TENM1: variants seen among roughly 807,000 people sequenced by gnomAD.
TENM1 encodes the protein teneurin transmembrane protein 1.
A neutral mutation model predicts 174.8 loss-of-function variants in TENM1; 35 were observed. That is an observed-to-expected ratio of 0.20 (90% CI 0.15 to 0.27). The LOEUF is 0.27. Among genes scored for constraint, TENM1 ranks in the 10% least tolerant of loss-of-function variants. TENM1 has a pLI of 1.00. For synonymous variants in TENM1, 781 were observed against 798.7 expected (o/e 0.98, Z 0.37); for missense variants, 1,633 against 2,130.1 (o/e 0.77, Z 4.59).
chrX:124,733,036 C>A (rs1218378322), intron 4 of TENM1, among the ~76,000 whole-genome samples: 1 of 111,801 alleles, frequency 8.9e-6, no homozygotes, highest in Non-Finnish European at 1.9e-5. Flanking sequence ...CACCTGCATT[C>A]AGCCTTGAAC....
intron 14 of TENM1, among the ~76,000 whole-genome samples, chrX:124,558,187 C>T (rs1456607762): frequency 2.7e-5 from 3 of 111,754 alleles, no homozygotes; most frequent in Non-Finnish European, 5.6e-5. Flanking sequence ...CGGTGTCACC[C>T]ACATATTCAA....
chrX:124,979,621 G>T, the TENM1 span, among the ~76,000 whole-genome samples: 1 of 111,387 alleles, frequency 9.0e-6, no homozygotes, highest in Non-Finnish European at 1.9e-5. Flanking sequence ...CCATTAGGCA[G>T]CAGTAAACTA....
the TENM1 span, among the ~76,000 whole-genome samples, chrX:125,147,445 T>A: frequency 3.6e-5 from 4 of 111,598 alleles, no homozygotes; most frequent in Non-Finnish European, 7.5e-5. Context: ...ATTCTTTTCA[T>A]GTTTTACTCA....
exon 29 of TENM1, chrX:124,385,889 T>C (rs1169245608): frequency 1.7e-6 from 2 of 1,210,410 alleles, no homozygotes; most frequent in Admixed American, 4.4e-5. Context: ...ACTATAGTCT[T>C]GGATAAAAGA....
the TENM1 span, among the ~76,000 whole-genome samples, chrX:125,161,492 G>C: frequency 9.0e-6 from 1 of 111,720 alleles, no homozygotes; most frequent in South Asian, 3.7e-4. Flanking sequence ...CTACAATGTG[G>C]ATGAACCTTG....
intron 23 of TENM1, among the ~76,000 whole-genome samples, chrX:124,423,183 A>G (rs1255217857): frequency 8.9e-6 from 1 of 112,247 alleles, no homozygotes; most frequent in East Asian, 2.8e-4. Flanking sequence ...CTCAATGAGC[A>G]ACCTTTTGCA....
At chrX:124,533,034 T>C (rs1387437908) in intron 15 of TENM1, among the ~76,000 whole-genome samples, 1 of 112,224 alleles carries the variant, frequency 8.9e-6, no homozygotes, top group Admixed American at 9.5e-5. Context: ...TGCAGAAATT[T>C]AGGAAAAATC....
intron 1 of TENM1, among the ~76,000 whole-genome samples, chrX:124,927,186 G>C (rs1465627009): frequency 8.9e-6 from 1 of 111,750 alleles, no homozygotes; most frequent in Non-Finnish European, 1.9e-5. Context: ...GAGACACCCA[G>C]TGATAAACAC....
the TENM1 span, among the ~76,000 whole-genome samples, chrX:125,065,567 T>G: frequency 8.9e-6 from 1 of 112,467 alleles, no homozygotes; most frequent in African/African-American, 3.2e-5. Context: ...GAACCTTCAG[T>G]TCTTTAGAGA....
At chrX:124,822,625 A>G (rs1265234819) in intron 3 of TENM1, among the ~76,000 whole-genome samples, 1 of 111,792 alleles carries the variant, frequency 8.9e-6, no homozygotes, top group Non-Finnish European at 1.9e-5. Context: ...GTTTTTATAT[A>G]TCTTATTTCT....
At chrX:124,966,530 C>T (rs749590113), upstream of TENM1, among the ~76,000 whole-genome samples, 36 of 108,182 alleles carry the variant, frequency 3.3e-4, 1 homozygote, top group South Asian at 0.011. Context: ...GGCGTGGTAG[C>T]GGGCGCCTGT....
At chrX:124,542,015 G>A (rs1210415041) in intron 15 of TENM1, among the ~76,000 whole-genome samples, 1 of 112,058 alleles carries the variant, frequency 8.9e-6, no homozygotes, top group East Asian at 2.8e-4. Flanking sequence ...ATGCCAGTAG[G>A]AGGCCCAAGT....
the TENM1 span, among the ~76,000 whole-genome samples, chrX:125,149,538 T>C: frequency 2.7e-5 from 3 of 112,199 alleles, no homozygotes; most frequent in African/African-American, 9.7e-5. Flanking sequence ...TTTTAGGTAG[T>C]AAATGAATTA....
At chrX:124,697,460 T>C (rs1433077715) in intron 5 of TENM1, among the ~76,000 whole-genome samples, 1 of 111,104 alleles carries the variant, frequency 9.0e-6, no homozygotes, top group Non-Finnish European at 1.9e-5. Context: ...TACTTTGGTG[T>C]AATTTGTTAA....
intron 3 of TENM1, among the ~76,000 whole-genome samples, chrX:124,890,558 C>T (rs781605702): frequency 1.8e-5 from 2 of 111,666 alleles, no homozygotes; most frequent in Non-Finnish European, 3.8e-5. Flanking sequence ...CATGAATGGC[C>T]AACAGGTATA....
chrX:124,541,416 G>C (rs964209751), intron 15 of TENM1, among the ~76,000 whole-genome samples: 6 of 111,630 alleles, frequency 5.4e-5, no homozygotes, highest in Non-Finnish European at 3.8e-5. Flanking sequence ...CTGTTTAAAA[G>C]TGTTTGTCAC....
the TENM1 span, among the ~76,000 whole-genome samples, chrX:125,049,561 T>C: frequency 8.9e-6 from 1 of 112,257 alleles, no homozygotes; most frequent in Admixed American, 9.5e-5. Flanking sequence ...ATGAATGGAA[T>C]TGCTGGGCAA....
At chrX:124,843,144 T>C (rs750623664) in intron 3 of TENM1, among the ~76,000 whole-genome samples, 8 of 111,788 alleles carry the variant, frequency 7.2e-5, no homozygotes, top group African/African-American at 2.6e-4. Flanking sequence ...TAAAAAGCGA[T>C]CATGTACTGG....
intron 3 of TENM1, among the ~76,000 whole-genome samples, chrX:124,804,220 T>C (rs1207130762): frequency 8.9e-6 from 1 of 112,087 alleles, no homozygotes; most frequent in Non-Finnish European, 1.9e-5. Flanking sequence ...TGAAATTAGT[T>C]TGCATATTTC....
Sources: allele counts gnomAD v4.1 joint callset (sites outside exome capture counted in the v4.1 genomes callset), GRCh38; gene constraint gnomAD v4.1.1; transcripts MANE v1.5; gene names NCBI Gene and HGNC (gene_info 2026-07-23, HGNC 2026-07-21).